The following LTBP3 variants were observed in gnomAD, a reference collection of about 807,000 sequenced individuals.
The protein encoded by LTBP3 is latent transforming growth factor beta binding protein 3, also known as latent-transforming growth factor beta-binding protein 3.
In LTBP3, 97 loss-of-function variants were observed where a neutral mutation model predicts 159.7. The ratio of observed to expected loss-of-function variants is 0.61; its 90% CI spans 0.52 to 0.72. The LOEUF is 0.72. LTBP3 is among the 30% of genes least tolerant of loss of function. LTBP3 has a pLI of 0.00. For synonymous variants in LTBP3, 824 were observed against 777.1 expected, an observed-to-expected ratio of 1.06 and a Z score of -1.00; for missense variants, 1,584 against 1,864.3, an observed-to-expected ratio of 0.85 and a Z score of 2.77.
At position 65,557,859 on chromosome 11, in the gene LTBP3, A is replaced by AGCAGCG. The variant is rs2135168690; in HGVS notation, c.100_101insCGCTGC (p.Leu33_Leu34insProLeu). ...CTCGACCCTGCCGCCCAGGCCCAGC[A>AGCAGCG]GCAGCAGCAGCAGCAGCAGCAGCAG... On this transcript the variant is annotated inframe_insertion, in exon 1 of 28. Transcript: ENST00000301873. The AGCAGCG allele has an allele frequency of 7.8e-7, 1 of 1,280,042 alleles. No individual in the cohort carries two copies. Among genetic ancestry groups the AGCAGCG allele is most frequent in the Non-Finnish European group, 9.9e-7 (1 of 1,006,710 alleles). The allele number at this position is 1,280,042 out of a possible 1,614,324, so 79.3% of individuals were successfully genotyped here. A position where few individuals can be genotyped will look rare whatever the true frequency, so the allele number is the denominator to read the frequency against.
chr11:65,546,427 G>C lies in LTBP3; in HGVS notation c.2353+15C>G. On this transcript the variant is annotated intron_variant, in intron 16 of 27. Transcript: ENST00000301873. The surrounding 1 kb of genome is among the most constrained non-coding windows in gnomAD (Gnocchi z 4.0). Reference sequence around the variant, plus strand: ...GGGGGCGGCGGAGGCCCGGGGCGGGGGTGCTGGCGCTCACCCAAGCAACTG... The same window carrying C: ...GGGGGCGGCGGAGGCCCGGGGCGGGCGTGCTGGCGCTCACCCAAGCAACTG... The C allele has an allele frequency of 6.5e-7, 1 of 1,536,696 alleles. No homozygotes were observed.
At chr11:65,544,750 A>C (rs755925332) in intron 16 of LTBP3, 1 of 152,484 alleles carries the variant, frequency 6.6e-6, no homozygotes. Flanking sequence ...CCCACTGAAC[A>C]TCGTTATCTA....
intron 21 of LTBP3, 32 bp downstream of exon 21, chr11:65,540,839 G>C (rs1326204893): frequency 1.3e-6 from 2 of 1,592,924 alleles, no homozygotes; most frequent in African/African-American, 2.7e-5. Context: ...GGGTGAGAGG[G>C]CGCGGGGCGG....
At position 65,540,320 on chromosome 11, in the gene LTBP3, C is replaced by T. The variant is rs1301996963; in HGVS notation, c.3169G>A (p.Gly1057Ser). ...RNGVCENTRG[G>S]YRCACTPPAE... ...GGGGGCGTGCAGGCACAGCGGTAGC[C>T]GCCGCGCGTGTTCTCACACACTCCG... The change falls in exon 23 of 28, where the codon GGC becomes AGC. Residue 1057 changes from glycine (G) to serine (S), a missense_variant. By Grantham distance (56) the Gly-to-Ser change is moderately conservative. Around this residue, in one of 6 missense-constraint regions of LTBP3, gnomAD observed 514 missense variants for 530.3 expected, o/e 0.97. Coordinates refer to ENST00000301873, the MANE Select transcript of LTBP3 (RefSeq NM_001130144.3). 3 of 1,573,126 alleles carry T rather than the reference C, an allele frequency of 1.9e-6. No individual in the cohort carries two copies. The highest frequency in any genetic ancestry group is 2.6e-6 in the Non-Finnish European group (3 of 1,160,090).
At chr11:65,545,874 C>A (rs1162566445) in intron 16 of LTBP3, 2 of 186,928 alleles carry the variant, frequency 1.1e-5, no homozygotes, top group Non-Finnish European at 2.3e-5. Context: ...ATAGCCTGAT[C>A]ATTCCTTACA....
Position 65,553,341 on chromosome 11 carries a change from C to T in LTBP3, c.970+84G>A. ...CAGATGTAGAGAGGAATCTGGTGAC[C>T]TGGGGACTCCCACTGCAGGGATGGG... On this transcript the variant is annotated intron_variant, in intron 4 of 27. Transcript: ENST00000301873. The surrounding 1 kb of genome is among the most constrained non-coding windows in gnomAD (Gnocchi z 6.5). The T allele has an allele frequency of 3.6e-6, 3 of 833,256 alleles. No individual in the cohort carries two copies. Among genetic ancestry groups the T allele is most frequent in the Non-Finnish European group, 5.3e-6 (3 of 568,650 alleles). 51.6% of individuals were successfully genotyped at this position (833,256 alleles called of 1,614,324 possible). A position where few individuals can be genotyped will look rare whatever the true frequency, so the allele number is the denominator to read the frequency against.
Position 65,540,039 on chromosome 11 carries a change from T to C in LTBP3, c.3359A>G (p.Asp1120Gly). Reference sequence around the variant, plus strand: ...GGCCGGGCTCTCGGGGAGCTGGCAATCGCGGCCGGAGGGCCCGGGCACCCA... The same window carrying C: ...GGCCGGGCTCTCGGGGAGCTGGCAACCGCGGCCGGAGGGCCCGGGCACCCA... ...PPWVPGPSGR[D>G]CQLPESPAER... Residue 1120 changes from aspartate (D) to glycine (G), a missense_variant, in exon 24 of 28, where the codon GAT becomes GGT. Asp to Gly is a moderately conservative substitution (Grantham distance 94, BLOSUM62 -1). Coordinates refer to ENST00000301873, the MANE Select transcript of LTBP3 (RefSeq NM_001130144.3). 1 of 1,514,600 alleles carries C rather than the reference T, an allele frequency of 6.6e-7. No individual in the cohort carries two copies. The highest frequency in any genetic ancestry group is 8.8e-7 in the Non-Finnish European group (1 of 1,137,064). 93.8% of individuals were successfully genotyped at this position (1,514,600 alleles called of 1,614,324 possible).
At chr11:65,541,327 A>G (rs754288612) in intron 19 of LTBP3, 34 bp from the exon 20 acceptor site, 2 of 1,603,594 alleles carry the variant, frequency 1.2e-6, no homozygotes, top group East Asian at 2.2e-5. Flanking sequence ...GGTTGTGCAC[A>G]GACCCCCCTT....
Position 65,539,431 on chromosome 11 carries a change from G to A in LTBP3, c.3657C>T (p.Asp1219=), listed in dbSNP as rs754850867. 5.1e-6 allele frequency: 8 copies of A among 1,555,342 alleles called. No individual in the cohort carries two copies. The Admixed American group carries it at 9.7e-5, about 19-fold the overall frequency. Residue 1219 remains aspartate, a synonymous_variant, in exon 27 of 28, where the codon GAC becomes GAT. Transcript: ENST00000301873. Reference sequence around the variant, plus strand: ...AGCGGCCACTCACGCAGCGACACTCGTCTGAATCCTCCTCTGAACTGTCCT... The same window carrying A: ...AGCGGCCACTCACGCAGCGACACTCATCTGAATCCTCCTCTGAACTGTCCT... ...RDEDSSEEDS[D]ECRCVSGRCV...
At chr11:65,539,277 G>T in intron 27 of LTBP3, 46 bp from the exon 28 acceptor site, 1 of 1,515,216 alleles carries the variant, frequency 6.6e-7, no homozygotes, top group Non-Finnish European at 8.9e-7. Flanking sequence ...CCTCCAGGCG[G>T]CTCCTCACCA....
rs1233342157 is a variant in LTBP3 at position 65,540,092 on chromosome 11, G to A, written c.3306C>T (p.Gly1102=). The change falls in exon 24 of 28, where the codon GGC becomes GGT. Residue 1102 remains glycine (G), a synonymous_variant. Coordinates refer to ENST00000301873, the MANE Select transcript of LTBP3 (RefSeq NM_001130144.3). ...GCGGGCGACACTCGCAGCGGTAGGAGCCCGGCAGGTTGACGCAGCGGCCAG... is the reference window on the plus strand; with the variant it reads ...GCGGGCGACACTCGCAGCGGTAGGAACCCGGCAGGTTGACGCAGCGGCCAG... ...CRPGRCVNLP[G]SYRCECRPPW... 4 of 1,526,830 alleles carry A rather than the reference G, an allele frequency of 2.6e-6. No homozygotes were observed. The highest frequency in any genetic ancestry group is 4.0e-5 in the Admixed American group (2 of 50,478). 94.6% of individuals were successfully genotyped at this position (1,526,830 alleles called of 1,614,324 possible). A position where few individuals can be genotyped will look rare whatever the true frequency, so the allele number is the denominator to read the frequency against.
In LTBP3 at chr11:65,547,403, G is replaced by A; in HGVS notation, c.2107+36C>T. The A allele has an allele frequency of 6.2e-7, 1 of 1,609,250 alleles. No individual in the cohort carries two copies. Among genetic ancestry groups the A allele is most frequent in the South Asian group, 1.1e-5 (1 of 91,064 alleles). On this transcript the variant is annotated intron_variant, in intron 14 of 27. Coordinates refer to ENST00000301873, the MANE Select transcript of LTBP3 (RefSeq NM_001130144.3). The surrounding 1 kb of genome is among the most constrained non-coding windows in gnomAD (Gnocchi z 4.6). ...CCACCCCAGGTGGAGAGACAGCTAA[G>A]GAGCTCCTTCTTTGGTCTGAATGGG... is the stretch of plus-strand genomic sequence containing the variant.
rs564827080 is a variant in LTBP3 at position 65,546,640 on chromosome 11, C to G, written c.2231-76G>C. 7.5e-6 allele frequency: 12 copies of G among 1,589,472 alleles called. No homozygotes were observed. The Admixed American group carries it at 2.0e-4, about 27-fold the overall frequency. On this transcript the variant is annotated intron_variant, in intron 15 of 27. Coordinates refer to ENST00000301873, the MANE Select transcript of LTBP3 (RefSeq NM_001130144.3). The surrounding 1 kb of genome is among the most constrained non-coding windows in gnomAD (Gnocchi z 4.0). ...GCGCACCTCGCGGGGGTGTGGGTCT[C>G]TTCCCTGGAACGCGGGGTTGAGAGG...
chr11:65,552,033 G>C lies in LTBP3; in HGVS notation c.1470C>G (p.Pro490=). Residue 490 remains proline (P), a synonymous_variant, in exon 8 of 28, where the codon CCC becomes CCG. Coordinates refer to ENST00000301873, the MANE Select transcript of LTBP3 (RefSeq NM_001130144.3). This position sits in a 1 kb window ranked among gnomAD's most constrained non-coding sequence, Gnocchi z 6.0. ...LFLHPDGPPK[P]QQLPESPSQA... ...GGCTAGGGCTCTCCGGAAGCTGCTG[G>C]GGCTTGGGTGGCCCGTCAGGGTGCA... The C allele has an allele frequency of 6.2e-7, 1 of 1,614,094 alleles. No homozygotes were observed. Among genetic ancestry groups the C allele is most frequent in the Non-Finnish European group, 8.5e-7 (1 of 1,180,002 alleles).
Position 65,540,952 on chromosome 11 carries a change from C to T in LTBP3, c.2896G>A (p.Glu966Lys). ...IYPCPVYSSA[E>K]FHSLCPDGKG... Reference sequence around the variant, plus strand: ...CCGTCTGGGCAGAGGCTGTGGAACTCGGCTGCAGGGGCAGGGCGGCCGTGG... The same window carrying T: ...CCGTCTGGGCAGAGGCTGTGGAACTTGGCTGCAGGGGCAGGGCGGCCGTGG... The change falls in exon 21 of 28, where the codon GAG becomes AAG. Residue 966 changes from glutamate to lysine, a missense_variant and splice_region_variant. Glu to Lys is a moderately conservative substitution (Grantham distance 56, BLOSUM62 1). Around this residue, in one of 6 missense-constraint regions of LTBP3, gnomAD observed 514 missense variants for 530.3 expected, o/e 0.97. Coordinates refer to ENST00000301873, the MANE Select transcript of LTBP3 (RefSeq NM_001130144.3). 6.2e-7 allele frequency: 1 copy of T among 1,613,078 alleles called. No homozygotes were observed. Among genetic ancestry groups the T allele is most frequent in the South Asian group, 1.1e-5 (1 of 90,954 alleles).
At position 65,557,799 on chromosome 11, in the gene LTBP3, C is replaced by A. The variant is rs375834889; in HGVS notation, c.161G>T (p.Gly54Val). 6.4e-7 allele frequency: 1 copy of A among 1,561,616 alleles called. No homozygotes were observed. Among genetic ancestry groups the A allele is most frequent in the Non-Finnish European group, 8.6e-7 (1 of 1,161,128 alleles). Residue 54 changes from glycine (G) to valine (V), a missense_variant, in exon 1 of 28, where the codon GGC becomes GTC. By Grantham distance (109) the Gly-to-Val change is moderately radical. Transcript: ENST00000301873. ...GAAGCGCTCGCGGGCCAGCGCCCCGCCCCCGCCTGCGCCCCGCTCGCCGGC... is the reference window on the plus strand; with the variant it reads ...GAAGCGCTCGCGGGCCAGCGCCCCGACCCCGCCTGCGCCCCGCTCGCCGGC... ...GPAGERGAGGGGALARERFKV... is the reference protein window; with the variant it reads ...GPAGERGAGGVGALARERFKV...
At position 65,540,113 on chromosome 11, in the gene LTBP3, G is replaced by A; in HGVS notation, c.3285C>T (p.Gly1095=). ...AGGAGCCCGGCAGGTTGACGCAGCG[G>A]CCAGGGCGGCAGGCTGCCGGGTCCT... ...ECQDPAACRP[G]RCVNLPGSYR... is the part of the protein sequence containing the mutation. The change falls in exon 24 of 28, where the codon GGC becomes GGT. Residue 1095 remains glycine (G), a synonymous_variant. Transcript: ENST00000301873. 2.0e-6 allele frequency: 3 copies of A among 1,526,902 alleles called. No homozygotes were observed. The highest frequency in any genetic ancestry group is 1.2e-5 in the South Asian group (1 of 83,540). 94.6% of individuals were successfully genotyped at this position (1,526,902 alleles called of 1,614,324 possible).
At position 65,553,827 on chromosome 11, in the gene LTBP3, C is replaced by T. The variant is rs1023338236; in HGVS notation, c.738G>A (p.Glu246=). 2 of 1,562,648 alleles carry T rather than the reference C, an allele frequency of 1.3e-6. No individual in the cohort carries two copies. The highest frequency in any genetic ancestry group is 1.7e-6 in the Non-Finnish European group (2 of 1,161,738). The change falls in exon 3 of 28, where the codon GAG becomes GAA. Residue 246 remains glutamate (E), a synonymous_variant. Coordinates refer to ENST00000301873, the MANE Select transcript of LTBP3 (RefSeq NM_001130144.3). This position sits in a 1 kb window ranked among gnomAD's most constrained non-coding sequence, Gnocchi z 6.5. ...PEASVQVHRI[E]SSNAESAAPS... is the part of the protein sequence containing the mutation. ...GGGCTGCGCTCTCGGCGTTCGAGCT[C>T]TCAATGCGGTGCACCTGGACTGAGG...
chr11:65,540,022 T>G lies in LTBP3; in HGVS notation c.3376A>C (p.Ser1126Arg). ...CAACCCTCGCCCTCACCGGCCGGGCTCTCGGGGAGCTGGCAATCGCGGCCG... is the reference window on the plus strand; with the variant it reads ...CAACCCTCGCCCTCACCGGCCGGGCGCTCGGGGAGCTGGCAATCGCGGCCG... ...PSGRDCQLPESPAERAPERRD... is the reference protein window; with the variant it reads ...PSGRDCQLPERPAERAPERRD... Residue 1126 changes from serine to arginine, a missense_variant, in exon 24 of 28, where the codon AGC becomes CGC. Physicochemically the swap from Ser to Arg is moderately radical, Grantham distance 110. Transcript: ENST00000301873. The G allele has an allele frequency of 6.6e-7, 1 of 1,505,872 alleles. No homozygotes were observed. The highest frequency in any genetic ancestry group is 8.8e-7 in the Non-Finnish European group (1 of 1,133,174). The allele number at this position is 1,505,872 out of a possible 1,614,324, so 93.3% of individuals were successfully genotyped here. A position where few individuals can be genotyped will look rare whatever the true frequency, so the allele number is the denominator to read the frequency against.
Sources: allele counts gnomAD v4.1 joint callset, GRCh38; gene constraint gnomAD v4.1.1; regional missense constraint gnomAD v4.1.1; non-coding constraint Gnocchi (gnomAD v3.1); transcripts MANE v1.5; gene names NCBI Gene and HGNC (gene_info 2026-07-23, HGNC 2026-07-21).